DAAM1: variants seen among roughly 807,000 people sequenced by gnomAD.
The protein encoded by DAAM1 is dishevelled associated activator of morphogenesis 1, also known as disheveled-associated activator of morphogenesis 1.
In DAAM1, 52 loss-of-function variants were observed where a neutral mutation model predicts 130.0. The observed-to-expected ratio is 0.40, with a 90% CI of 0.32 to 0.50. The LOEUF (loss-of-function observed/expected upper bound fraction) is 0.50. DAAM1 is among the 20% of genes least tolerant of loss of function. The pLI is 0.61. For missense variants in DAAM1, 1,134 were observed against 1,303.8 expected, an observed-to-expected ratio of 0.87 and a Z score of 2.01; for synonymous variants, 452 against 444.5, an observed-to-expected ratio of 1.02 and a Z score of -0.21.
intron 1 of DAAM1, among the ~76,000 whole-genome samples, chr14:59,198,396 G>A (rs1371177165): frequency 6.6e-6 from 1 of 151,912 alleles, no homozygotes; most frequent in African/African-American, 2.4e-5. Flanking sequence ...AGTAGAGACA[G>A]GGTTTCAACA....
intron 3 of DAAM1, among the ~76,000 whole-genome samples, chr14:59,297,520 T>C (rs1379335547): frequency 6.6e-6 from 1 of 152,170 alleles, no homozygotes; most frequent in Non-Finnish European, 1.5e-5. Flanking sequence ...AAAAGTCATG[T>C]TTCTAAAGAA....
rs761879305 is a variant in DAAM1 at position 59,368,893 on chromosome 14, TAGC to T, written c.*38_*40del. 114 of 1,598,648 alleles carry T rather than the reference TAGC, an allele frequency of 7.1e-5. No individual in the cohort carries two copies. The African/African-American group carries it at 1.4e-3, about 19-fold the overall frequency. On this transcript the variant is annotated 3_prime_UTR_variant, in exon 25 of 25. Coordinates refer to ENST00000360909, the MANE Select transcript of DAAM1 (RefSeq NM_001270520.2). ...GAATACTTTTTTTTAGAAAGCTCAT[TAGC>T]AGCCCTCTAAAGTGACTAGAACGTT...
intron 1 of DAAM1, among the ~76,000 whole-genome samples, chr14:59,235,658 T>G (rs1889273379): frequency 6.6e-6 from 1 of 152,188 alleles, no homozygotes; most frequent in Non-Finnish European, 1.5e-5. Context: ...GCTCTGATCT[T>G]AGTTATTTCT....
intron 1 of DAAM1, among the ~76,000 whole-genome samples, chr14:59,224,501 C>T (rs957097423): frequency 2.8e-4 from 42 of 152,272 alleles, no homozygotes; most frequent in African/African-American, 7.0e-4. Flanking sequence ...TTTGGAAGCA[C>T]GTAACTTGTT....
intron 3 of DAAM1, among the ~76,000 whole-genome samples, chr14:59,294,867 A>G (rs937697253): frequency 6.6e-6 from 1 of 152,230 alleles, no homozygotes; most frequent in Admixed American, 6.5e-5. Flanking sequence ...AATCCTGGGA[A>G]CAGTAAGGAG....
At chr14:59,207,512 A>T (rs1272685412) in intron 1 of DAAM1, among the ~76,000 whole-genome samples, 1 of 152,230 alleles carries the variant, frequency 6.6e-6, no homozygotes, top group Non-Finnish European at 1.5e-5. Context: ...AAAACTATTA[A>T]TTTCATTTAA....
intron 1 of DAAM1, among the ~76,000 whole-genome samples, chr14:59,249,266 C>T (rs1881530499): frequency 6.6e-6 from 1 of 152,194 alleles, no homozygotes. Flanking sequence ...TTTCCCAAAG[C>T]TTCATAGGCA....
Position 59,194,130 on chromosome 14 carries a change from C to A in DAAM1, c.-38+5362C>A, listed in dbSNP as rs980496781. On this transcript the variant is annotated intron_variant, in intron 1 of 24. Transcript: ENST00000360909. ...TCAAGCAGTCTAGTTCTTTATACAT[C>A]CTGATGTTGCCTGGTTTCTGACTTT... Among the ~76,000 whole-genome samples, 31 of 108,196 alleles carry A rather than the reference C, an allele frequency of 2.9e-4. 1 individual carries two copies. Among genetic ancestry groups the A allele is most frequent in the Non-Finnish European group, 4.2e-5 (2 of 47,492 alleles). The allele number at this position is 108,196 out of a possible 152,430, so 71.0% of individuals were successfully genotyped here. A position where few individuals can be genotyped will look rare whatever the true frequency, so the allele number is the denominator to read the frequency against.
chr14:59,248,603 A>G (rs1297391692), intron 1 of DAAM1, among the ~76,000 whole-genome samples: 1 of 152,166 alleles, frequency 6.6e-6, no homozygotes, highest in Non-Finnish European at 1.5e-5. Flanking sequence ...GAGATTATAT[A>G]TGTGACCAGT....
chr14:59,367,656 C>T (rs141841863), intron 24 of DAAM1, 57 bp downstream of exon 24: 7 of 1,564,856 alleles, frequency 4.5e-6, no homozygotes, highest in South Asian at 2.4e-5. Context: ...GACTGCAGCC[C>T]AGTCAAAGGT....
At position 59,369,156 on chromosome 14, in the gene DAAM1, G is replaced by A. The variant is rs1001709040; in HGVS notation, c.*297G>A. The A allele has an allele frequency of 6.2e-5, 16 of 259,678 alleles. No individual in the cohort carries two copies. The highest frequency in any genetic ancestry group is 1.4e-4 in the South Asian group (2 of 14,806). The allele number at this position is 259,678 out of a possible 1,614,324, so 16.1% of individuals were successfully genotyped here. On this transcript the variant is annotated 3_prime_UTR_variant, in exon 25 of 25. Transcript: ENST00000360909. ...TGTGGCTCATTTTCTTTCCCCGAAC[G>A]CCATGACTGTTCAGAAGCACAATAC...
At chr14:59,320,633 C>A in intron 5 of DAAM1, 49 bp downstream of exon 5, 1 of 1,393,544 alleles carries the variant, frequency 7.2e-7, no homozygotes, top group Non-Finnish European at 9.7e-7. Context: ...TCCTTCCTTC[C>A]TTTTTTTGCA....
At chr14:59,287,417 T>C (rs2099635) in intron 2 of DAAM1, among the ~76,000 whole-genome samples, 128,486 of 152,174 alleles carry the variant, frequency 0.84, 54,404 homozygotes, top group East Asian at 1. Flanking sequence ...CAACGTGGTA[T>C]TGGAATTGCT....
At chr14:59,300,647 C>T (rs1406301203) in intron 3 of DAAM1, among the ~76,000 whole-genome samples, 1 of 152,028 alleles carries the variant, frequency 6.6e-6, no homozygotes, top group Non-Finnish European at 1.5e-5. Context: ...CCATATTCAC[C>T]TCAGATTTTT....
intron 2 of DAAM1, among the ~76,000 whole-genome samples, chr14:59,266,325 G>A (rs1269402947): frequency 6.6e-6 from 1 of 152,088 alleles, no homozygotes; most frequent in Non-Finnish European, 1.5e-5. Flanking sequence ...TAGTAGAGCT[G>A]GTAGGCAGAG....
At chr14:59,262,800 G>C (rs1882233872) in intron 1 of DAAM1, among the ~76,000 whole-genome samples, 1 of 151,852 alleles carries the variant, frequency 6.6e-6, no homozygotes, top group African/African-American at 2.4e-5. Flanking sequence ...TTGTAAATTT[G>C]AATTAGTTAA....
intron 19 of DAAM1, 42 bp downstream of exon 19, chr14:59,354,006 A>G (rs1285382933): frequency 7.6e-6 from 12 of 1,570,104 alleles, no homozygotes; most frequent in Non-Finnish European, 1.0e-5. Context: ...GTTCATCATT[A>G]CAACCCATTT....
rs114466678 is a variant in DAAM1, at chr14:59,358,472, T to C, written c.2526-925T>C. Among the ~76,000 whole-genome samples the C allele has an allele frequency of 5.3e-3, 815 of 152,340 alleles. 10 individuals carry two copies. The highest frequency in any genetic ancestry group is 0.019 in the African/African-American group (773 of 41,574). On this transcript the variant is annotated intron_variant, in intron 20 of 24. Transcript: ENST00000360909. Reference sequence around the variant, plus strand: ...CTAGGATATCACATGGTGGCAGTTATGGCCCACTTCCAGGTTCAGCCCAGA... The same window carrying C: ...CTAGGATATCACATGGTGGCAGTTACGGCCCACTTCCAGGTTCAGCCCAGA...
At chr14:59,333,513 G>A (rs1241248073) in intron 15 of DAAM1, among the ~76,000 whole-genome samples, 1 of 152,232 alleles carries the variant, frequency 6.6e-6, no homozygotes, top group Non-Finnish European at 1.5e-5. Flanking sequence ...GCTGTCCTGA[G>A]AAGGTGTCTC....
Sources: gnomAD v4.1 joint callset for allele counts (sites outside exome capture counted in the v4.1 genomes callset) on GRCh38, gnomAD v4.1.1 for gene constraint, MANE v1.5 for transcripts, NCBI Gene and HGNC (gene_info 2026-07-23, HGNC 2026-07-21) for gene names.